Variants in EVA1C observed in about 807,000 individuals in gnomAD.
EVA1C encodes the protein protein eva-1 homolog C.
Under a neutral mutation model 45.4 loss-of-function variants are expected in EVA1C, and 25 were observed. The observed-to-expected ratio is 0.55, with a 90% CI of 0.40 to 0.77. The LOEUF (loss-of-function observed/expected upper bound fraction) is 0.77. EVA1C is among the 30% of genes least tolerant of loss of function. The probability of loss-of-function intolerance (pLI) is 0.00; values close to 1 mark genes in which losing one functional copy is unlikely to be tolerated. For synonymous variants in EVA1C, 190 were observed against 221.2 expected (o/e 0.86, Z 1.25); for missense variants, 479 against 554.8 (o/e 0.86, Z 1.37).
intron 1 of EVA1C, among the ~76,000 whole-genome samples, chr21:32,420,232 T>C (rs780925144): frequency 2.0e-5 from 3 of 152,144 alleles, no homozygotes; most frequent in Non-Finnish European, 4.4e-5. Flanking sequence ...TAGCCAGGCA[T>C]GGTGGTGGGC....
chr21:32,463,389 C>T (rs957181290), intron 3 of EVA1C, among the ~76,000 whole-genome samples: 2 of 152,186 alleles, frequency 1.3e-5, no homozygotes. Flanking sequence ...AAAACAAATT[C>T]TAGTCTTCTA....
intron 4 of EVA1C, among the ~76,000 whole-genome samples, chr21:32,479,537 G>A (rs551090391): frequency 6.6e-6 from 1 of 152,330 alleles, no homozygotes; most frequent in African/African-American, 2.4e-5. Flanking sequence ...GAACCATTCA[G>A]AGCTCAGTGT....
At chr21:32,502,039 TCTTTCTTTCTTTCTTC>T (rs1260579255) in intron 6 of EVA1C, among the ~76,000 whole-genome samples, 1 of 137,922 alleles carries the variant, frequency 7.3e-6, no homozygotes, top group Non-Finnish European at 1.5e-5. Context: ...TTTCTTTCTT[TCTTTCTTTCTTTCTTC>T]TTTCTTTCTT....
In EVA1C at chr21:32,452,506, A is replaced by C. The variant is rs2035618799; in HGVS notation, c.161-806A>C. The C allele has an allele frequency of 6.6e-6, 1 of 152,260 alleles. No homozygotes were observed. The highest frequency in any genetic ancestry group is 1.5e-5 in the Non-Finnish European group (1 of 68,066). The allele number at this position is 152,260 out of a possible 1,614,324, so 9.4% of individuals were successfully genotyped here. On this transcript the variant is annotated intron_variant, in intron 1 of 7. Coordinates refer to ENST00000300255, the MANE Select transcript of EVA1C (RefSeq NM_058187.5). This position sits in a 1 kb window ranked among gnomAD's most constrained non-coding sequence, Gnocchi z 4.0. ...TACAGCTCCCGAAGCCCCAGTGGGCATGTGTTACAGTGGTCTCCTTCAGTT... is the reference window on the plus strand; with the variant it reads ...TACAGCTCCCGAAGCCCCAGTGGGCCTGTGTTACAGTGGTCTCCTTCAGTT...
chr21:32,454,958 C>T (rs192845061), intron 2 of EVA1C, among the ~76,000 whole-genome samples: 35 of 152,254 alleles, frequency 2.3e-4, no homozygotes, highest in Admixed American at 1.6e-3. Flanking sequence ...GGTTTCTATA[C>T]CTTGAGGAGA....
chr21:32,447,142 G>A (rs1408722692), intron 1 of EVA1C, among the ~76,000 whole-genome samples: 1 of 152,218 alleles, frequency 6.6e-6, no homozygotes, highest in Admixed American at 6.5e-5. Flanking sequence ...GCTCACACCT[G>A]TAATCCCAGC....
At chr21:32,444,319 G>T (rs1211221141) in intron 1 of EVA1C, among the ~76,000 whole-genome samples, 1 of 152,126 alleles carries the variant, frequency 6.6e-6, no homozygotes, top group Non-Finnish European at 1.5e-5. Flanking sequence ...CTTCTTCCCA[G>T]CAGTCACAGT....
intron 4 of EVA1C, among the ~76,000 whole-genome samples, chr21:32,494,812 G>A (rs1053434066): frequency 6.6e-6 from 1 of 151,634 alleles, no homozygotes; most frequent in Non-Finnish European, 1.5e-5. Context: ...GATGGCGCCA[G>A]CAGAGCATTA....
chr21:32,413,985 A>G (rs1458191042), intron 1 of EVA1C, among the ~76,000 whole-genome samples: 1 of 152,234 alleles, frequency 6.6e-6, no homozygotes, highest in Non-Finnish European at 1.5e-5. Context: ...CTTTTGCAAC[A>G]TAATGGTGGT....
rs1601176841 is a variant in EVA1C, at chr21:32,412,826, G to A, written c.-28G>A. 1 of 1,385,014 alleles carries A rather than the reference G, an allele frequency of 7.2e-7. No individual in the cohort carries two copies. Among genetic ancestry groups the A allele is most frequent in the South Asian group, 1.6e-5 (1 of 60,708 alleles). 85.8% of individuals were successfully genotyped at this position (1,385,014 alleles called of 1,614,324 possible). A position where few individuals can be genotyped will look rare whatever the true frequency, so the allele number is the denominator to read the frequency against. On this transcript the variant is annotated 5_prime_UTR_variant, in exon 1 of 8. Transcript: ENST00000300255. ...GCGACCCCCAGCGCGTCCCGGGCCTGCGCCTCCGCCCCGCCGCGCAGCGCA... is the reference window on the plus strand; with the variant it reads ...GCGACCCCCAGCGCGTCCCGGGCCTACGCCTCCGCCCCGCCGCGCAGCGCA...
At chr21:32,479,377 C>T (rs956652231) in intron 4 of EVA1C, among the ~76,000 whole-genome samples, 2 of 152,160 alleles carry the variant, frequency 1.3e-5, no homozygotes, top group Admixed American at 1.3e-4. Context: ...GAGCTGAGAT[C>T]GTGCCACTGC....
intron 1 of EVA1C, among the ~76,000 whole-genome samples, chr21:32,424,939 C>T (rs112475589): frequency 1.0e-3 from 153 of 152,240 alleles, no homozygotes; most frequent in African/African-American, 3.6e-3. Context: ...TCACTGCAGC[C>T]TCAACCTCCT....
intron 4 of EVA1C, among the ~76,000 whole-genome samples, chr21:32,479,901 CT>C: frequency 6.6e-6 from 1 of 151,522 alleles, no homozygotes; most frequent in East Asian, 1.9e-4. Flanking sequence ...GGCATATATC[CT>C]TAAAACTAAG....
intron 1 of EVA1C, among the ~76,000 whole-genome samples, chr21:32,451,861 C>G (rs2035591432): frequency 6.6e-6 from 1 of 152,214 alleles, no homozygotes; most frequent in Non-Finnish European, 1.5e-5. Flanking sequence ...CAACTTAATT[C>G]ATTACATCTG....
intron 2 of EVA1C, among the ~76,000 whole-genome samples, chr21:32,455,688 C>G (rs1156472895): frequency 1.3e-5 from 2 of 152,150 alleles, no homozygotes; most frequent in Non-Finnish European, 2.9e-5. Flanking sequence ...TTGGCATACA[C>G]TAGAGCATGG....
At chr21:32,504,814 G>A (rs2037671619) in intron 7 of EVA1C, among the ~76,000 whole-genome samples, 1 of 152,184 alleles carries the variant, frequency 6.6e-6, no homozygotes, top group Non-Finnish European at 1.5e-5. Flanking sequence ...CTTAGGGAAT[G>A]TATTTGTCTG....
intron 1 of EVA1C, among the ~76,000 whole-genome samples, chr21:32,420,455 G>T (rs557936474): frequency 7.9e-5 from 12 of 152,356 alleles, no homozygotes; most frequent in African/African-American, 2.9e-4. Context: ...TGCAATCACG[G>T]CTCACTGCAG....
intron 1 of EVA1C, among the ~76,000 whole-genome samples, chr21:32,430,435 T>A (rs917185377): frequency 2.6e-4 from 40 of 152,286 alleles, no homozygotes; most frequent in Non-Finnish European, 4.7e-4. Context: ...CAGACTGCCA[T>A]CCTGTGGCAA....
At chr21:32,431,897 C>T (rs1239065535) in intron 1 of EVA1C, among the ~76,000 whole-genome samples, 2 of 152,176 alleles carry the variant, frequency 1.3e-5, no homozygotes, top group Non-Finnish European at 2.9e-5. Context: ...ATACGGTTTT[C>T]TAATGTATGG....
Sources: allele counts gnomAD v4.1 joint callset (sites outside exome capture counted in the v4.1 genomes callset), GRCh38; gene constraint gnomAD v4.1.1; non-coding constraint Gnocchi (gnomAD v3.1); transcripts MANE v1.5; gene names NCBI Gene and HGNC (gene_info 2026-07-23, HGNC 2026-07-21).